Variants in DIP2B observed in about 807,000 individuals in gnomAD.
The protein encoded by DIP2B is disco-interacting protein 2 homolog B.
Under a neutral mutation model 198.0 loss-of-function variants are expected in DIP2B, and 76 were observed. The ratio of observed to expected loss-of-function variants is 0.38; its 90% CI spans 0.32 to 0.46. The LOEUF (loss-of-function observed/expected upper bound fraction) is 0.46, where lower values mean the gene tolerates loss of function less well. DIP2B is among the 20% of genes least tolerant of loss of function. The pLI, the probability that DIP2B is intolerant of heterozygous loss-of-function variation, is 0.99. For missense variants in DIP2B, 1,559 were observed against 1,978.4 expected (o/e 0.79, Z 4.02); for synonymous variants, 701 against 739.1 (o/e 0.95, Z 0.84).
intron 1 of DIP2B, among the ~76,000 whole-genome samples, chr12:50,598,521 TC>T (rs942502027): frequency 6.6e-6 from 1 of 151,932 alleles, no homozygotes; most frequent in African/African-American, 2.4e-5. Context: ...CTAAAATGTA[TC>T]CTTTTGCAAC....
At chr12:50,555,877 C>T (rs1015579602) in intron 1 of DIP2B, among the ~76,000 whole-genome samples, 5 of 152,062 alleles carry the variant, frequency 3.3e-5, no homozygotes, top group African/African-American at 7.2e-5. Context: ...CACTGATATA[C>T]GAAACACACA....
chr12:50,607,415 G>T (rs1397029787), intron 1 of DIP2B, among the ~76,000 whole-genome samples: 1 of 152,292 alleles, frequency 6.6e-6, no homozygotes, highest in East Asian at 1.9e-4. Flanking sequence ...TGGAATGGAA[G>T]ATCTAGACAT....
intron 3 of DIP2B, among the ~76,000 whole-genome samples, chr12:50,655,737 T>G (rs140110024): frequency 6.6e-6 from 1 of 152,224 alleles, no homozygotes; most frequent in Non-Finnish European, 1.5e-5. Flanking sequence ...CCCAGCACTT[T>G]GGGAGGCCAA....
chr12:50,712,182 A>C (rs778404497), intron 22 of DIP2B, among the ~76,000 whole-genome samples: 1 of 152,052 alleles, frequency 6.6e-6, no homozygotes, highest in Non-Finnish European at 1.5e-5. Flanking sequence ...ACATACATAC[A>C]TACAGCCTTG....
Position 50,748,106 on chromosome 12 carries a change from C to G in DIP2B, c.*3267C>G, listed in dbSNP as rs1387666490. The G allele has an allele frequency of 6.6e-6, 1 of 152,586 alleles. No homozygotes were observed. The highest frequency in any genetic ancestry group is 2.4e-5 in the African/African-American group (1 of 41,424). The allele number at this position is 152,586 out of a possible 1,614,324, so 9.5% of individuals were successfully genotyped here. A position where few individuals can be genotyped will look rare whatever the true frequency, so the allele number is the denominator to read the frequency against. Reference sequence around the variant, plus strand: ...ATGCTTTTGTTGACTCAACAAGGGCCCGAGGCCTTAGGTTTTCTATTAAGG... The same window carrying G: ...ATGCTTTTGTTGACTCAACAAGGGCGCGAGGCCTTAGGTTTTCTATTAAGG... On this transcript the variant is annotated 3_prime_UTR_variant, in exon 38 of 38. Coordinates refer to ENST00000301180, the MANE Select transcript of DIP2B (RefSeq NM_173602.3).
chr12:50,563,798 A>AT (rs35142813), intron 1 of DIP2B, among the ~76,000 whole-genome samples: 67 of 147,904 alleles, frequency 4.5e-4, no homozygotes, highest in African/African-American at 1.1e-3. Context: ...GCCCAGCCTA[A>AT]TTTTTTTTTT....
intron 1 of DIP2B, 58 bp from the exon 2 acceptor site, chr12:50,625,918 G>T: frequency 6.4e-7 from 1 of 1,559,506 alleles, no homozygotes; most frequent in East Asian, 2.2e-5. Flanking sequence ...TATTTTTACA[G>T]TGGAAAACCA....
rs1958543446 is a variant in DIP2B at position 50,564,091 on chromosome 12, G to A, written c.100+58851G>A. ...GTAAGTATCCCTATATTTGTATGCA[G>A]TTTTGTAAATATGTAGTGCTGGGTT... On this transcript the variant is annotated intron_variant, in intron 1 of 37. Transcript: ENST00000301180. Among the ~76,000 whole-genome samples, 3 of 151,608 alleles carry A rather than the reference G, an allele frequency of 2.0e-5. No homozygotes were observed. In the Admixed American group the frequency reaches 2.0e-4, roughly 10 times the overall value.
chr12:50,563,309 C>T lies in DIP2B; in HGVS notation c.100+58069C>T, dbSNP rs147035676. Among the ~76,000 whole-genome samples, 224 of 152,276 alleles carry T rather than the reference C, an allele frequency of 1.5e-3. 2 individuals carry two copies. The highest frequency in any genetic ancestry group is 0.012 in the Admixed American group (176 of 15,288). On this transcript the variant is annotated intron_variant, in intron 1 of 37. Transcript: ENST00000301180. ...TCAAACGATTCTTCCACCTCAGCCT[C>T]CTGAGTGGCTAGATCTATAGGTGCA...
At position 50,739,381 on chromosome 12, in the gene DIP2B, A is replaced by G. The variant is rs775055040; in HGVS notation, c.4177-28A>G. ...TTAATACAGTTGTGTGTCCCCAGTGAGTTGTGATCAAAGCACTTTTCTTGT... is the reference window on the plus strand; with the variant it reads ...TTAATACAGTTGTGTGTCCCCAGTGGGTTGTGATCAAAGCACTTTTCTTGT... On this transcript the variant is annotated intron_variant, in intron 35 of 37. Transcript: ENST00000301180. 6 of 1,593,030 alleles carry G rather than the reference A, an allele frequency of 3.8e-6. No individual in the cohort carries two copies. The African/African-American group carries it at 6.7e-5, about 18-fold the overall frequency.
At chr12:50,686,734 T>G in intron 12 of DIP2B, 52 bp downstream of exon 12, 3 of 1,531,006 alleles carry the variant, frequency 2.0e-6, no homozygotes, top group East Asian at 2.3e-5. Context: ...GGGCTTTGCT[T>G]GCCACCTTTC....
intron 34 of DIP2B, among the ~76,000 whole-genome samples, chr12:50,735,497 T>G (rs1197233966): frequency 6.6e-6 from 1 of 151,700 alleles, no homozygotes; most frequent in African/African-American, 2.4e-5. Context: ...AGATGGAGTC[T>G]CACTCTGCCA....
intron 7 of DIP2B, among the ~76,000 whole-genome samples, chr12:50,677,267 C>T (rs1938962174): frequency 6.6e-6 from 1 of 152,028 alleles, no homozygotes; most frequent in Non-Finnish European, 1.5e-5. Context: ...TGTTTATGTC[C>T]CCTGGTGCAC....
chr12:50,721,531 C>A, intron 26 of DIP2B, 135 bp downstream of exon 26: 1 of 1,352,302 alleles, frequency 7.4e-7, no homozygotes, highest in Non-Finnish European at 1.0e-6. Context: ...AGACCATGCA[C>A]ACAGGCCAAA....
At chr12:50,563,886 A>T (rs1565825908) in intron 1 of DIP2B, among the ~76,000 whole-genome samples, 1 of 151,382 alleles carries the variant, frequency 6.6e-6, no homozygotes, top group Admixed American at 6.6e-5. Context: ...TGCTGGATTT[A>T]TTTTTTTAGT....
chr12:50,695,436 A>G (rs1248965787), intron 15 of DIP2B, 76 bp downstream of exon 15: 6 of 1,430,584 alleles, frequency 4.2e-6, no homozygotes, highest in African/African-American at 1.4e-5. Flanking sequence ...GAGATTTTCA[A>G]ATTGCCCTTG....
At chr12:50,524,297 C>G (rs1328157351) in intron 1 of DIP2B, among the ~76,000 whole-genome samples, 2 of 152,194 alleles carry the variant, frequency 1.3e-5, no homozygotes, top group African/African-American at 4.8e-5. Context: ...TTCCACATAG[C>G]AGGTAGAGAG....
chr12:50,563,548 C>T (rs973214663), intron 1 of DIP2B, among the ~76,000 whole-genome samples: 1 of 141,506 alleles, frequency 7.1e-6, no homozygotes, highest in African/African-American at 2.7e-5. Flanking sequence ...CTGAGTGAGG[C>T]AGTGTGATTA....
intron 1 of DIP2B, among the ~76,000 whole-genome samples, chr12:50,508,745 G>A (rs118157236): frequency 6.9e-6 from 1 of 143,996 alleles, no homozygotes. Flanking sequence ...TTCTCTTGTT[G>A]CCCAGGCTGG....
Sources: allele counts gnomAD v4.1 joint callset (sites outside exome capture counted in the v4.1 genomes callset), GRCh38; gene constraint gnomAD v4.1.1; transcripts MANE v1.5; gene names NCBI Gene and HGNC (gene_info 2026-07-23, HGNC 2026-07-21).